Variants in PRKACB observed in about 807,000 individuals in gnomAD.
PRKACB encodes cAMP-dependent protein kinase catalytic subunit beta.
A neutral mutation model predicts 51.4 loss-of-function variants in PRKACB; 16 were observed. The ratio of observed to expected loss-of-function variants is 0.31; its 90% CI spans 0.21 to 0.47. PRKACB has a LOEUF of 0.47. Ranked by LOEUF, PRKACB falls within the 20% of genes least tolerant of loss-of-function variation. PRKACB has a pLI of 1.00. For missense variants in PRKACB, 309 were observed against 464.5 expected, an observed-to-expected ratio of 0.67 and a Z score of 3.08; for synonymous variants, 147 against 154.4, an observed-to-expected ratio of 0.95 and a Z score of 0.35.
intron 8 of PRKACB, chr1:84,205,292 C>T (rs946368576): frequency 2.0e-6 from 2 of 976,090 alleles, no homozygotes; most frequent in African/African-American, 1.8e-5. Context: ...TGTTTCAAAA[C>T]TCAAATTCAA....
rs80179969 is a variant in PRKACB, at chr1:84,086,861, C to T, written c.46+8490C>T. 8.7e-3 allele frequency among the ~76,000 whole-genome samples: 1,320 copies of T among 152,286 alleles called. 20 individuals are homozygous for T. The highest frequency in any genetic ancestry group is 0.03 in the African/African-American group (1,260 of 41,542). ...GCTGGGGAGCCCTGGAGAGCCTTGA[C>T]TCTGTAAGGCTCGAGGCACCTCCTT... On this transcript the variant is annotated intron_variant, in intron 1 of 8. Coordinates refer to the PRKACB transcript ENST00000370688.
chr1:84,216,765 A>G (rs1208024681), intron 9 of PRKACB, among the ~76,000 whole-genome samples: 1 of 152,178 alleles, frequency 6.6e-6, no homozygotes. Flanking sequence ...AATTAATTTA[A>G]ACATAATCAT....
At chr1:84,100,431 A>T (rs1229463975) in intron 1 of PRKACB, among the ~76,000 whole-genome samples, 1 of 152,212 alleles carries the variant, frequency 6.6e-6, no homozygotes, top group Non-Finnish European at 1.5e-5. Flanking sequence ...GTGAATGGGG[A>T]CATTTTAGAA....
chr1:84,224,802 G>A (rs545256529), intron 9 of PRKACB, among the ~76,000 whole-genome samples: 1 of 152,294 alleles, frequency 6.6e-6, no homozygotes, highest in African/African-American at 2.4e-5. Flanking sequence ...CAGCAAGCAG[G>A]GTGGATGGAT....
At chr1:84,205,359 C>T (rs1671179841) in intron 8 of PRKACB, 4 of 803,570 alleles carry the variant, frequency 5.0e-6, no homozygotes, top group Non-Finnish European at 6.0e-6. Flanking sequence ...TGGTTAGTGG[C>T]TAAAAGCCAA....
chr1:84,121,908 C>T (rs1008439864), intron 1 of PRKACB, among the ~76,000 whole-genome samples: 1 of 152,148 alleles, frequency 6.6e-6, no homozygotes, highest in Middle Eastern at 3.4e-3. Context: ...CAAGTTGAGC[C>T]CCCTCTCAAC....
chr1:84,186,700 A>G (rs1170664929), intron 5 of PRKACB, among the ~76,000 whole-genome samples: 1 of 152,138 alleles, frequency 6.6e-6, no homozygotes, highest in African/African-American at 2.4e-5. Context: ...AGGCTTAATT[A>G]TTCCTTGGTG....
chr1:84,143,190 A>T (rs1258675744), upstream of PRKACB, among the ~76,000 whole-genome samples: 1 of 152,214 alleles, frequency 6.6e-6, no homozygotes, highest in Non-Finnish European at 1.5e-5. Context: ...TCACACTTGT[A>T]ATCCCAGCAC....
intron 9 of PRKACB, among the ~76,000 whole-genome samples, chr1:84,226,230 TCTTC>T (rs1345063772): frequency 6.6e-6 from 1 of 151,622 alleles, no homozygotes; most frequent in African/African-American, 2.4e-5. Flanking sequence ...GTATGTTTTC[TCTTC>T]CTTTTTTGAT....
chr1:84,103,406 A>G (rs1189812447), intron 1 of PRKACB, among the ~76,000 whole-genome samples: 4 of 150,860 alleles, frequency 2.7e-5, no homozygotes, highest in Non-Finnish European at 5.9e-5. Context: ...ACTTAGAGAG[A>G]AAGAGACAGA....
intron 1 of PRKACB, among the ~76,000 whole-genome samples, chr1:84,079,678 T>G (rs1271440854): frequency 6.6e-6 from 1 of 152,142 alleles, no homozygotes; most frequent in Non-Finnish European, 1.5e-5. Flanking sequence ...TTATTATTAT[T>G]TTTTGAGATG....
intron 1 of PRKACB, among the ~76,000 whole-genome samples, chr1:84,152,282 G>A (rs1317546180): frequency 2.6e-5 from 4 of 152,114 alleles, no homozygotes; most frequent in African/African-American, 9.7e-5. Flanking sequence ...ATAGAGTACA[G>A]GTAGAGTAGA....
chr1:84,156,407 G>A (rs1655508023), intron 1 of PRKACB, among the ~76,000 whole-genome samples: 1 of 152,270 alleles, frequency 6.6e-6, no homozygotes, highest in African/African-American at 2.4e-5. Context: ...ACTGATCCTT[G>A]CGGAGACCTC....
At chr1:84,103,877 T>A (rs1210060272) in intron 1 of PRKACB, among the ~76,000 whole-genome samples, 1 of 152,216 alleles carries the variant, frequency 6.6e-6, no homozygotes, top group African/African-American at 2.4e-5. Flanking sequence ...ATTTATAGGA[T>A]ACAGAGTAAT....
Position 84,113,799 on chromosome 1 carries a change from A to G in PRKACB, c.46+35428A>G, listed in dbSNP as rs545297283. ...ATGAAAAGGAAAGGCAAATCTGTAG[A>G]TACAGAAAGTAGACTGATGCTTGCT... On this transcript the variant is annotated intron_variant, in intron 1 of 8. Transcript: ENST00000370688. Among the ~76,000 whole-genome samples, 7 of 152,342 alleles carry G rather than the reference A, an allele frequency of 4.6e-5. No individual in the cohort carries two copies. The South Asian group carries it at 1.5e-3, about 32-fold the overall frequency.
At chr1:84,126,417 T>G (rs753888081) in intron 1 of PRKACB, among the ~76,000 whole-genome samples, 2 of 152,190 alleles carry the variant, frequency 1.3e-5, no homozygotes, top group Non-Finnish European at 2.9e-5. Flanking sequence ...GGAACTCTTC[T>G]GCGAAGTCCT....
At chr1:84,133,736 G>A (rs893039797) in intron 1 of PRKACB, among the ~76,000 whole-genome samples, 1 of 152,212 alleles carries the variant, frequency 6.6e-6, no homozygotes, top group Non-Finnish European at 1.5e-5. Context: ...GCACTGCCAG[G>A]AGCCAAACTC....
At chr1:84,218,747 C>A (rs1673230953) in intron 9 of PRKACB, among the ~76,000 whole-genome samples, 1 of 152,168 alleles carries the variant, frequency 6.6e-6, no homozygotes, top group South Asian at 2.1e-4. Context: ...TACTAACTTA[C>A]ATTTTTACCA....
At chr1:84,199,828 A>ATTAG (rs1475035083) in intron 7 of PRKACB, among the ~76,000 whole-genome samples, 2 of 126,976 alleles carry the variant, frequency 1.6e-5, no homozygotes, top group Admixed American at 1.6e-4. Context: ...TTTTTTGACT[A>ATTAG]TTTGTTTATT....
Sources: allele counts gnomAD v4.1 joint callset (sites outside exome capture counted in the v4.1 genomes callset), GRCh38; gene constraint gnomAD v4.1.1; transcripts MANE v1.5; gene names NCBI Gene and HGNC (gene_info 2026-07-23, HGNC 2026-07-21).